SGCZ: variants seen among roughly 807,000 people sequenced by gnomAD.
SGCZ encodes the protein zeta-sarcoglycan.
Under a neutral mutation model 41.3 loss-of-function variants are expected in SGCZ, and 40 were observed. The ratio of observed to expected loss-of-function variants is 0.97; its 90% CI spans 0.75 to 1.26. The LOEUF is 1.26. Ranked by LOEUF, SGCZ falls within the 50% of genes most tolerant of loss-of-function variation. The pLI, the probability that SGCZ is intolerant of heterozygous loss-of-function variation, is 0.00. For missense variants in SGCZ, 552 were observed against 369.8 expected (o/e 1.49, Z -4.04); for synonymous variants, 206 against 137.5 (o/e 1.50, Z -3.49).
chr8:15,117,605 T>C (rs2116943171), intron 1 of SGCZ, among the ~76,000 whole-genome samples: 2 of 152,298 alleles, frequency 1.3e-5, no homozygotes, highest in East Asian at 3.9e-4. Flanking sequence ...GGAAAGAATT[T>C]GCTCTACCTC....
intron 1 of SGCZ, among the ~76,000 whole-genome samples, chr8:14,760,742 T>C (rs538820224): frequency 7.2e-5 from 11 of 152,346 alleles, no homozygotes; most frequent in South Asian, 2.1e-4. Context: ...CTAACAGTTA[T>C]TCAGTCTATT....
In SGCZ at chr8:14,698,259, C is replaced by A. The variant is rs370130102; in HGVS notation, c.40-143333G>T. Among the ~76,000 whole-genome samples the A allele has an allele frequency of 2.0e-5, 3 of 151,970 alleles. No individual in the cohort carries two copies. The East Asian group carries it at 5.8e-4, about 29-fold the overall frequency. Reference sequence around the variant, plus strand: ...TGAAGGTATTATTGGAGACTCTCAACAAACTACACCATAATTCTTAATATA... The same window carrying A: ...TGAAGGTATTATTGGAGACTCTCAAAAAACTACACCATAATTCTTAATATA... On this transcript the variant is annotated intron_variant, in intron 1 of 7. Coordinates refer to ENST00000382080, the MANE Select transcript of SGCZ (RefSeq NM_139167.4).
intron 2 of SGCZ, among the ~76,000 whole-genome samples, chr8:14,497,697 G>T (rs148971154): frequency 1.6e-3 from 244 of 152,096 alleles, no homozygotes; most frequent in African/African-American, 4.7e-3. Flanking sequence ...CAAAAGACTG[G>T]ACATTCCTGT....
At chr8:14,153,825 G>C (rs1052628239) in intron 5 of SGCZ, among the ~76,000 whole-genome samples, 1 of 152,028 alleles carries the variant, frequency 6.6e-6, no homozygotes, top group East Asian at 1.9e-4. Context: ...GTTTAGATGA[G>C]GTCATGAGGA....
chr8:14,108,203 CCA>C lies in SGCZ; in HGVS notation c.578_579del (p.Val193GlyfsTer16), dbSNP rs1240776557. On this transcript the variant is annotated frameshift_variant, in exon 6 of 8. Transcript: ENST00000382080. LOFTEE classifies it high-confidence loss of function. ...GGCTCTGCTCTGATGTGCGGCGTCT[CCA>C]CAGAGTGCCCAAATACGGCTCCTTC... The part of the protein sequence containing the change: ...GTEGAVFGHS[V>X]ETPHIRAEPS... 1 of 1,613,968 alleles carries C rather than the reference CCA, an allele frequency of 6.2e-7. No homozygotes were observed. The highest frequency in any genetic ancestry group is 1.3e-5 in the African/African-American group (1 of 74,904).
chr8:14,376,573 A>T (rs1402836448), intron 2 of SGCZ, among the ~76,000 whole-genome samples: 1 of 152,134 alleles, frequency 6.6e-6, no homozygotes, highest in African/African-American at 2.4e-5. Context: ...ATGGTTTTTC[A>T]AAGACTCTAC....
At chr8:14,662,391 T>C (rs11203652) in intron 1 of SGCZ, among the ~76,000 whole-genome samples, 89,236 of 152,128 alleles carry the variant, frequency 0.59, 28,544 homozygotes, top group African/African-American at 0.83. Context: ...TCCACATAAA[T>C]GCTATCAGGA....
At chr8:14,615,239 T>G (rs984540211) in intron 1 of SGCZ, among the ~76,000 whole-genome samples, 1 of 152,190 alleles carries the variant, frequency 6.6e-6, no homozygotes, top group African/African-American at 2.4e-5. Flanking sequence ...CAAACTGCAA[T>G]CTAACATAGT....
chr8:14,793,940 T>A (rs1486726413), intron 1 of SGCZ, among the ~76,000 whole-genome samples: 1 of 152,136 alleles, frequency 6.6e-6, no homozygotes, highest in African/African-American at 2.4e-5. Flanking sequence ...GTTCTCCCAC[T>A]TGGCTTCTAG....
intron 5 of SGCZ, among the ~76,000 whole-genome samples, chr8:14,139,447 A>C (rs189178874): frequency 1.1e-3 from 167 of 152,294 alleles, no homozygotes; most frequent in African/African-American, 3.6e-3. Flanking sequence ...GACTGCTAGC[A>C]AGACTAATAA....
intron 1 of SGCZ, among the ~76,000 whole-genome samples, chr8:14,856,010 A>C (rs956532475): frequency 6.6e-6 from 1 of 152,238 alleles, no homozygotes; most frequent in African/African-American, 2.4e-5. Flanking sequence ...ATTCCTGTTC[A>C]AGCACATAAT....
At chr8:15,056,444 C>G (rs17120815) in intron 1 of SGCZ, among the ~76,000 whole-genome samples, 12,338 of 151,936 alleles carry the variant, frequency 0.081, 787 homozygotes, top group African/African-American at 0.17. Flanking sequence ...CAGTGCCAGG[C>G]CCATTGTAAG....
intron 1 of SGCZ, among the ~76,000 whole-genome samples, chr8:14,960,670 G>C (rs926264259): frequency 6.6e-6 from 1 of 152,006 alleles, no homozygotes; most frequent in African/African-American, 2.4e-5. Flanking sequence ...ATATTACTGA[G>C]TCACAAATAT....
intron 1 of SGCZ, among the ~76,000 whole-genome samples, chr8:14,888,556 T>C (rs1053550812): frequency 2.0e-5 from 3 of 152,196 alleles, no homozygotes; most frequent in Admixed American, 6.5e-5. Context: ...TAAGTCCTTA[T>C]TGTATTCTTG....
At chr8:14,589,523 G>A (rs1805173991) in intron 1 of SGCZ, among the ~76,000 whole-genome samples, 2 of 152,012 alleles carry the variant, frequency 1.3e-5, no homozygotes, top group East Asian at 1.9e-4. Context: ...GACAATACTG[G>A]TTCAGGCAGT....
chr8:14,758,668 A>G (rs1382293780), intron 1 of SGCZ, among the ~76,000 whole-genome samples: 1 of 152,186 alleles, frequency 6.6e-6, no homozygotes, highest in Non-Finnish European at 1.5e-5. Flanking sequence ...TCAAATAACT[A>G]CATTAAAGCG....
At chr8:14,951,981 G>C (rs1585407105) in intron 1 of SGCZ, among the ~76,000 whole-genome samples, 2 of 152,006 alleles carry the variant, frequency 1.3e-5, no homozygotes, top group South Asian at 4.2e-4. Flanking sequence ...TTCATTTGAT[G>C]AGAATTTTTT....
chr8:14,477,339 G>A (rs1452441718), intron 2 of SGCZ, among the ~76,000 whole-genome samples: 1 of 152,058 alleles, frequency 6.6e-6, no homozygotes, highest in Admixed American at 6.6e-5. Flanking sequence ...TTGGTTTTAA[G>A]TGTTTGATTT....
intron 1 of SGCZ, among the ~76,000 whole-genome samples, chr8:14,716,808 A>C (rs1809704388): frequency 6.6e-6 from 1 of 152,146 alleles, no homozygotes; most frequent in South Asian, 2.1e-4. Context: ...AGCATGGTGC[A>C]TTTTATGATA....
Sources: allele counts gnomAD v4.1 joint callset (sites outside exome capture counted in the v4.1 genomes callset), GRCh38; gene constraint gnomAD v4.1.1; transcripts MANE v1.5; gene names NCBI Gene and HGNC (gene_info 2026-07-23, HGNC 2026-07-21).